The following SBF2 variants were observed in gnomAD, a reference collection of about 807,000 sequenced individuals.
SBF2 encodes the protein SET binding factor 2, also known as myotubularin-related protein 13.
SBF2 carries 112 observed loss-of-function variants against 225.2 expected under a neutral mutation model. That is an observed-to-expected ratio of 0.50 (90% CI 0.43 to 0.58). The LOEUF (loss-of-function observed/expected upper bound fraction) is 0.58. Among genes scored for constraint, SBF2 ranks in the 20% least tolerant of loss-of-function variants. The probability of loss-of-function intolerance (pLI) is 0.00; values close to 1 mark genes in which losing one functional copy is unlikely to be tolerated. For synonymous variants in SBF2, 763 were observed against 773.3 expected (o/e 0.99, Z 0.22); for missense variants, 1,996 against 2,206.2 (o/e 0.90, Z 1.91).
chr11:10,298,751 C>T (rs962562440), upstream of SBF2, among the ~76,000 whole-genome samples: 3 of 152,180 alleles, frequency 2.0e-5, no homozygotes, highest in African/African-American at 7.2e-5. Flanking sequence ...CCTCTCAGCC[C>T]CACATTCATC....
At chr11:10,124,168 T>G (rs1232767871) in intron 2 of SBF2, among the ~76,000 whole-genome samples, 1 of 152,202 alleles carries the variant, frequency 6.6e-6, no homozygotes, top group Non-Finnish European at 1.5e-5. Context: ...TTGTATTTTT[T>G]TGGTTGTTGT....
intron 17 of SBF2, among the ~76,000 whole-genome samples, chr11:9,863,472 T>C (rs1022614718): frequency 1.3e-5 from 2 of 152,198 alleles, no homozygotes; most frequent in African/African-American, 4.8e-5. Context: ...GCTGGAGATT[T>C]CCTATCTAGT....
chr11:10,163,464 T>C (rs968071472), intron 2 of SBF2, among the ~76,000 whole-genome samples: 5 of 152,164 alleles, frequency 3.3e-5, no homozygotes, highest in Non-Finnish European at 7.4e-5. Context: ...AGCATTATTT[T>C]TGAAAACATA....
intron 17 of SBF2, among the ~76,000 whole-genome samples, chr11:9,861,378 T>C (rs1857724865): frequency 1.3e-5 from 2 of 152,132 alleles, no homozygotes; most frequent in Non-Finnish European, 2.9e-5. Flanking sequence ...AAAATGTTTT[T>C]TGAGGCCAGG....
At chr11:9,884,651 G>T (rs1233299835) in intron 17 of SBF2, among the ~76,000 whole-genome samples, 2 of 152,158 alleles carry the variant, frequency 1.3e-5, no homozygotes, top group African/African-American at 2.4e-5. Context: ...CCACAGAGCT[G>T]TGGGTGCACA....
At chr11:10,256,517 C>T (rs1591316139) in intron 1 of SBF2, among the ~76,000 whole-genome samples, 1 of 152,176 alleles carries the variant, frequency 6.6e-6, no homozygotes, top group East Asian at 1.9e-4. Context: ...AGAAGAATGG[C>T]TTCATAACAA....
At chr11:9,851,135 CAA>C (rs773210379) in intron 21 of SBF2, among the ~76,000 whole-genome samples, 5 of 72,496 alleles carry the variant, frequency 6.9e-5, no homozygotes, top group South Asian at 4.9e-4. Flanking sequence ...GACTCCATCT[CAA>C]AAAAAAAAAA....
chr11:9,850,428 A>T (rs1856842731), intron 21 of SBF2, among the ~76,000 whole-genome samples: 1 of 151,982 alleles, frequency 6.6e-6, no homozygotes, highest in African/African-American at 2.4e-5. Flanking sequence ...GCTTATTTTT[A>T]AATTTTTTTT....
chr11:10,196,862 A>ATTTTTTTTTTT (rs1208099879), intron 1 of SBF2, among the ~76,000 whole-genome samples: 3 of 22,028 alleles, frequency 1.4e-4, no homozygotes, highest in Non-Finnish European at 4.5e-4. Context: ...ATATATATAT[A>ATTTTTTTTTTT]TATATTTTTT....
intron 16 of SBF2, among the ~76,000 whole-genome samples, chr11:9,903,290 C>G (rs548751198): frequency 1.4e-4 from 22 of 151,908 alleles, no homozygotes; most frequent in Middle Eastern, 6.8e-3. Context: ...CCACTGCACA[C>G]CAGCCTGGGC....
chr11:9,787,182 C>T (rs914823327), intron 36 of SBF2, among the ~76,000 whole-genome samples: 1 of 152,256 alleles, frequency 6.6e-6, no homozygotes, highest in Non-Finnish European at 1.5e-5. Flanking sequence ...GCGTGAGCCA[C>T]CGCACCCGGC....
Position 9,844,407 on chromosome 11 carries a change from C to A in SBF2, c.3110+1158G>T, listed in dbSNP as rs187467039. On this transcript the variant is annotated intron_variant, in intron 24 of 39. Coordinates refer to ENST00000256190, the MANE Select transcript of SBF2 (RefSeq NM_030962.4). ...ATTGTAATTTGTATTGGCAGATGCCCGAATTCTACATGGTTAACAGTGAAT... is the reference window on the plus strand; with the variant it reads ...ATTGTAATTTGTATTGGCAGATGCCAGAATTCTACATGGTTAACAGTGAAT... Among the ~76,000 whole-genome samples the A allele has an allele frequency of 6.3e-3, 957 of 152,212 alleles. 50 individuals carry two copies. Among genetic ancestry groups the A allele is most frequent in the Admixed American group, 0.05 (758 of 15,288 alleles).
At chr11:9,788,550 C>G (rs979093077) in intron 35 of SBF2, among the ~76,000 whole-genome samples, 3 of 151,124 alleles carry the variant, frequency 2.0e-5, no homozygotes, top group Admixed American at 6.6e-5. Context: ...GTAAATTGCT[C>G]TATTTGCTTG....
chr11:10,247,708 G>C (rs1333017926), intron 1 of SBF2, among the ~76,000 whole-genome samples: 1 of 151,548 alleles, frequency 6.6e-6, no homozygotes, highest in Non-Finnish European at 1.5e-5. Context: ...AAAAACAAAT[G>C]AATAAAATAA....
intron 17 of SBF2, among the ~76,000 whole-genome samples, chr11:9,862,681 A>G (rs930589328): frequency 7.9e-5 from 12 of 152,230 alleles, no homozygotes; most frequent in African/African-American, 2.9e-4. Context: ...TAGTAAACAG[A>G]GAAAATAAGC....
chr11:10,017,865 A>G (rs1453541973), intron 6 of SBF2, among the ~76,000 whole-genome samples: 1 of 152,208 alleles, frequency 6.6e-6, no homozygotes, highest in Non-Finnish European at 1.5e-5. Context: ...AACTGTGTAA[A>G]AAGGTGCAGC....
intron 2 of SBF2, among the ~76,000 whole-genome samples, chr11:10,100,957 C>G (rs1952274422): frequency 6.6e-6 from 1 of 152,284 alleles, no homozygotes; most frequent in African/African-American, 2.4e-5. Context: ...AGGGAGATTT[C>G]TCAGACGGAA....
At chr11:10,138,525 ATTT>A (rs200917640) in intron 2 of SBF2, among the ~76,000 whole-genome samples, 5 of 136,222 alleles carry the variant, frequency 3.7e-5, no homozygotes, top group East Asian at 4.2e-4. Context: ...TTCTTTTCCT[ATTT>A]TTTTTTTTTT....
At chr11:10,076,143 A>G (rs1363042004) in intron 2 of SBF2, among the ~76,000 whole-genome samples, 1 of 152,232 alleles carries the variant, frequency 6.6e-6, no homozygotes, top group Non-Finnish European at 1.5e-5. Flanking sequence ...CGGGGGAGAG[A>G]GTATCTTACA....
Sources: gnomAD v4.1 joint callset for allele counts (sites outside exome capture counted in the v4.1 genomes callset) on GRCh38, gnomAD v4.1.1 for gene constraint, MANE v1.5 for transcripts, NCBI Gene and HGNC (gene_info 2026-07-23, HGNC 2026-07-21) for gene names.